The following PIGT variants were observed in gnomAD, a reference collection of about 807,000 sequenced individuals.
PIGT encodes the protein GPI-anchor transamidase component PIGT.
A neutral mutation model predicts 66.7 loss-of-function variants in PIGT; 57 were observed. That is an observed-to-expected ratio of 0.86 (90% confidence interval 0.69 to 1.07). The LOEUF (loss-of-function observed/expected upper bound fraction) is 1.07, where lower values mean the gene tolerates loss of function less well. PIGT is among the 50% of genes least tolerant of loss of function. PIGT has a pLI of 0.00. For synonymous variants in PIGT, 362 were observed against 320.5 expected (o/e 1.13, Z -1.38); for missense variants, 725 against 740.4 (o/e 0.98, Z 0.24).
rs944024298 is a variant in PIGT, at chr20:45,416,161, C to T, written c.5C>T (p.Ala2Val). Residue 2 changes from alanine to valine, a missense_variant, in exon 1 of 12, where the codon GCG becomes GTG. This residue lies in a region of PIGT where 559 missense variants were observed against 552.7 expected (regional missense o/e 1.01). Transcript: ENST00000279036. M[A>V]AAMPLALLVL... ...TAGGCGGAAGTAGCCGCAGGCATGG[C>T]GGCGGCTATGCCGCTTGCTCTGCTC... 10 of 1,560,032 alleles carry T rather than the reference C, an allele frequency of 6.4e-6. No individual in the cohort carries two copies. In the African/African-American group the frequency reaches 1.2e-4, roughly 19 times the overall value.
rs2741566 is a variant in PIGT, at chr20:45,424,429, T to C, written c.1400+48T>C. 0.75 allele frequency: 1,203,227 copies of C among 1,613,056 alleles called. 450,419 individuals carry two copies. The highest frequency in any genetic ancestry group is 0.82 in the Middle Eastern group (4,953 of 6,060). On this transcript the variant is annotated intron_variant, in intron 10 of 11. Coordinates refer to ENST00000279036, the MANE Select transcript of PIGT (RefSeq NM_015937.6). ...ACCTCTCATCCCCCTGACCTACCCT[T>C]TCTGCTGCTTACCCCTTGATAGGGC...
At chr20:45,420,986 A>C (rs1990324684) in intron 8 of PIGT, 1 of 531,794 alleles carries the variant, frequency 1.9e-6, no homozygotes, top group Non-Finnish European at 3.4e-6. Flanking sequence ...TTGAATTCAT[A>C]CTAAGTGCCA....
In PIGT at chr20:45,416,523, A is replaced by G; in HGVS notation, c.194A>G (p.His65Arg). 1 of 1,614,000 alleles carries G rather than the reference A, an allele frequency of 6.2e-7. No individual in the cohort carries two copies. Among genetic ancestry groups the G allele is most frequent in the Non-Finnish European group, 8.5e-7 (1 of 1,179,946 alleles). The change falls in exon 2 of 12, where the codon CAT becomes CGT. Residue 65 changes from histidine to arginine, a missense_variant. His to Arg is a conservative substitution (Grantham distance 29). Transcript: ENST00000279036. Reference protein sequence around the residue: ...DSELQREGVSHYRLFPKALGQ... With the variant: ...DSELQREGVSRYRLFPKALGQ... ...CCTGCTCCCGTTTCCCCAGTGTCCC[A>G]TTACAGGCTCTTTCCCAAAGCCCTG...
rs1411253318 is a variant in PIGT at position 45,424,908 on chromosome 20, C to G, written c.1484+329C>G. The G allele has an allele frequency of 1.7e-5, 6 of 344,140 alleles. No homozygotes were observed. The Admixed American group carries it at 2.0e-4, about 11-fold the overall frequency. The allele number at this position is 344,140 out of a possible 1,614,324, so 21.3% of individuals were successfully genotyped here. The stretch of plus-strand genomic sequence containing the variant: ...CAAGATTAAACAAAACAGACTTGGC[C>G]CTGGCCTCCCTTTGCTTACAGTCTA... On this transcript the variant is annotated intron_variant, in intron 11 of 11. Coordinates refer to ENST00000279036, the MANE Select transcript of PIGT (RefSeq NM_015937.6).
intron 9 of PIGT, chr20:45,423,879 T>G (rs1990542442): frequency 1.9e-5 from 6 of 311,976 alleles, no homozygotes; most frequent in Non-Finnish European, 3.1e-5. Context: ...ATGTCCCACA[T>G]TTTTGGCAAG....
chr20:45,416,703 A>C lies in PIGT; in HGVS notation c.365+9A>C. 6.2e-7 allele frequency: 1 copy of C among 1,608,806 alleles called. No individual in the cohort carries two copies. Among genetic ancestry groups the C allele is most frequent in the Non-Finnish European group, 8.5e-7 (1 of 1,178,114 alleles). On this transcript the variant is annotated intron_variant, in intron 2 of 11. Transcript: ENST00000279036. ...CAAGACACTGTCACTGAGTGAGTGCACACCTTGGGCCCTGTTGCAGGCCAT... is the reference window on the plus strand; with the variant it reads ...CAAGACACTGTCACTGAGTGAGTGCCCACCTTGGGCCCTGTTGCAGGCCAT...
rs766062887 is a variant in PIGT, at chr20:45,416,265, A to T, written c.109A>T (p.Thr37Ser). 1.3e-6 allele frequency: 2 copies of T among 1,588,946 alleles called. No homozygotes were observed. Among genetic ancestry groups the T allele is most frequent in the Admixed American group, 3.5e-5 (2 of 56,410 alleles). ...RDSLREELVI[T>S]PLPSGDVAAT... ...CAGCCTGCGGGAGGAACTTGTCATC[A>T]CCCCGCTGCCTTCCGGGGACGTAGC... The change falls in exon 1 of 12, where the codon ACC becomes TCC. Residue 37 changes from threonine to serine, a missense_variant. Transcript: ENST00000279036.
chr20:45,426,133 A>G lies in PIGT; in HGVS notation c.*307A>G, dbSNP rs1990728971. ...AGAAAAAGATTTCCATCACCACAGA[A>G]AGGTCGGCTGGCAGCACTGGCCAAG... On this transcript the variant is annotated 3_prime_UTR_variant, in exon 12 of 12. Coordinates refer to ENST00000279036, the MANE Select transcript of PIGT (RefSeq NM_015937.6). 2.3e-6 allele frequency: 1 copy of G among 432,150 alleles called. No homozygotes were observed. Among genetic ancestry groups the G allele is most frequent in the South Asian group, 2.7e-5 (1 of 36,810 alleles). The allele number at this position is 432,150 out of a possible 1,614,324, so 26.8% of individuals were successfully genotyped here. A position where few individuals can be genotyped will look rare whatever the true frequency, so the allele number is the denominator to read the frequency against.
At position 45,416,624 on chromosome 20, in the gene PIGT, T is replaced by G; in HGVS notation, c.295T>G (p.Trp99Gly). 6.2e-7 allele frequency: 1 copy of G among 1,614,162 alleles called. No homozygotes were observed. The highest frequency in any genetic ancestry group is 8.5e-7 in the Non-Finnish European group (1 of 1,180,016). ...ACAAGGCTTTTGGAGGACCCGATAC[T>G]GGGGGCCACCCTTCCTGCAGGCCCC... Reference protein sequence around the residue: ...FTQGFWRTRYWGPPFLQAPSG... With the variant: ...FTQGFWRTRYGGPPFLQAPSG... Residue 99 changes from tryptophan to glycine, a missense_variant, in exon 2 of 12, where the codon TGG (tryptophan) becomes GGG (glycine). Around this residue, in one of 3 missense-constraint regions of PIGT, gnomAD observed 559 missense variants for 552.7 expected, o/e 1.01. Coordinates refer to ENST00000279036, the MANE Select transcript of PIGT (RefSeq NM_015937.6).
chr20:45,421,778 GCAATAATTAAAACA>G (rs1990384680), intron 9 of PIGT, 195 bp downstream of exon 9: 3 of 596,618 alleles, frequency 5.0e-6, no homozygotes, highest in Non-Finnish European at 9.0e-6. Flanking sequence ...TTATAAAACA[GCAATAATTAAAACA>G]CATAATACTG....
chr20:45,425,749 G>C lies in PIGT; in HGVS notation c.1660G>C (p.Glu554Gln), dbSNP rs761376924. Residue 554 changes from glutamate to glutamine, a missense_variant, in exon 12 of 12, where the codon GAG becomes CAG. By Grantham distance (29) the Glu-to-Gln change is conservative (BLOSUM62 2). Transcript: ENST00000279036. ...YNLLTRTFHI[E>Q]EPRTGGLAKR... is the part of the protein sequence containing the mutation. ...TCTCCTCACCCGAACCTTCCACATC[G>C]AGGAGCCCCGCACAGGTGGCCTGGC... 4 of 1,613,912 alleles carry C rather than the reference G, an allele frequency of 2.5e-6. No homozygotes were observed. Among genetic ancestry groups the C allele is most frequent in the Non-Finnish European group, 3.4e-6 (4 of 1,179,914 alleles).
At chr20:45,419,041 C>G in intron 3 of PIGT, 62 bp downstream of exon 3, 1 of 1,604,570 alleles carries the variant, frequency 6.2e-7, no homozygotes, top group East Asian at 2.2e-5. Flanking sequence ...CCTTTGCCTC[C>G]TTTTCCCTCA....
At position 45,425,904 on chromosome 20, in the gene PIGT, C is replaced by T; in HGVS notation, c.*78C>T. Reference sequence around the variant, plus strand: ...CCAAGGGCTGTTTCTGCCACTTGCTCTCCTCAGAGTTGGCTTTTGAACCAA... The same window carrying T: ...CCAAGGGCTGTTTCTGCCACTTGCTTTCCTCAGAGTTGGCTTTTGAACCAA... On this transcript the variant is annotated 3_prime_UTR_variant, in exon 12 of 12. Transcript: ENST00000279036. 6.5e-7 allele frequency: 1 copy of T among 1,528,208 alleles called. No homozygotes were observed. The highest frequency in any genetic ancestry group is 8.8e-7 in the Non-Finnish European group (1 of 1,133,576). 94.7% of individuals were successfully genotyped at this position (1,528,208 alleles called of 1,614,324 possible). A position where few individuals can be genotyped will look rare whatever the true frequency, so the allele number is the denominator to read the frequency against.
At chr20:45,419,973 A>G (rs1053912876) in intron 5 of PIGT, 163 bp from the exon 6 acceptor site, 2 of 622,676 alleles carry the variant, frequency 3.2e-6, no homozygotes, top group Middle Eastern at 4.3e-4. Context: ...TACAGCTGTC[A>G]GCACGGGGTC....
intron 11 of PIGT, 64 bp from the exon 12 acceptor site, chr20:45,425,510 T>G: frequency 1.3e-6 from 2 of 1,564,242 alleles, no homozygotes; most frequent in Non-Finnish European, 1.7e-6. Context: ...ACTGCCGGAA[T>G]GAGGATGGGG....
At chr20:45,418,566 G>A (rs1379950696) in intron 2 of PIGT, 7 of 389,748 alleles carry the variant, frequency 1.8e-5, no homozygotes, top group Admixed American at 3.7e-5. Context: ...ATGAAGGTAG[G>A]CAGAAAGAAG....
Position 45,416,674 on chromosome 20 carries a change from G to A in PIGT, c.345G>A (p.Trp115Ter), listed in dbSNP as rs767720044. 1.2e-6 allele frequency: 2 copies of A among 1,613,396 alleles called. No homozygotes were observed. Among genetic ancestry groups the A allele is most frequent in the East Asian group, 2.2e-5 (1 of 44,898 alleles). ...CATCAGGTGCAGAGCTGTGGGTCTG[G>A]TTCCAAGACACTGTCACTGAGTGAG... ...QAPSGAELWVWFQDTVTDVDK... is the reference protein window; with the variant it reads ...QAPSGAELWV Residue 115 changes from tryptophan to a stop codon, truncating the protein, a stop_gained, in exon 2 of 12, where the codon TGG becomes TGA. Transcript: ENST00000279036. LOFTEE classifies it high-confidence loss of function.
intron 8 of PIGT, 194 bp from the exon 9 acceptor site, chr20:45,421,189 G>A (rs569421694): frequency 1.8e-5 from 11 of 597,936 alleles, no homozygotes; most frequent in Non-Finnish European, 3.0e-5. Flanking sequence ...TTCAATACTA[G>A]CAACCTATTG....
chr20:45,418,541 C>G (rs1990132879), intron 2 of PIGT: 1 of 366,686 alleles, frequency 2.7e-6, no homozygotes, highest in Non-Finnish European at 5.3e-6. Context: ...GGGAGGTAAG[C>G]ACTGGAGCCG....
Sources: allele counts gnomAD v4.1 joint callset, GRCh38; gene constraint gnomAD v4.1.1; regional missense constraint gnomAD v4.1.1; transcripts MANE v1.5; gene names NCBI Gene and HGNC (gene_info 2026-07-23, HGNC 2026-07-21).